Variants in MEGF10 observed in about 807,000 individuals in gnomAD.
MEGF10 encodes multiple epidermal growth factor-like domains protein 10.
In MEGF10, 86 loss-of-function variants were observed where a neutral mutation model predicts 147.5. The observed-to-expected ratio is 0.58, with a 90% confidence interval of 0.49 to 0.70. The LOEUF is 0.70. MEGF10 is among the 30% of genes least tolerant of loss of function. MEGF10 has a pLI of 0.00. For synonymous variants in MEGF10, 478 were observed against 525.5 expected, an observed-to-expected ratio of 0.91 and a Z score of 1.24; for missense variants, 1,329 against 1,487.3, an observed-to-expected ratio of 0.89 and a Z score of 1.75.
At chr5:127,417,097 G>A (rs758786148) in intron 9 of MEGF10, among the ~76,000 whole-genome samples, 4 of 152,188 alleles carry the variant, frequency 2.6e-5, no homozygotes, top group African/African-American at 4.8e-5. Context: ...ACTCACTTAC[G>A]CGTGCATCTC....
the MEGF10 span, chr5:127,229,420 C>G: frequency 1.3e-5 from 2 of 151,938 alleles, no homozygotes; most frequent in South Asian, 4.2e-4. Context: ...GCCTCGTCCT[C>G]GCGCCGGCGA....
chr5:127,302,332 G>GA (rs1386888151), intron 1 of MEGF10, among the ~76,000 whole-genome samples: 1 of 152,162 alleles, frequency 6.6e-6, no homozygotes, highest in African/African-American at 2.4e-5. Context: ...CAACATGGAT[G>GA]AACCTTAGCA....
In MEGF10 at chr5:127,386,924, C is replaced by A. The variant is rs113997522; in HGVS notation, c.413-9608C>A. The stretch of plus-strand genomic sequence containing the variant: ...GTACTTTTTGTGTAATTAGTGTGTT[C>A]CACCATCTTCATTTTACAACAAATA... On this transcript the variant is annotated intron_variant, in intron 5 of 24. Coordinates refer to ENST00000503335, the MANE Select transcript of MEGF10 (RefSeq NM_001256545.2). 3.0e-3 allele frequency among the ~76,000 whole-genome samples: 459 copies of A among 152,256 alleles called. 8 individuals carry two copies. Among genetic ancestry groups the A allele is most frequent in the Admixed American group, 2.9e-3 (45 of 15,290 alleles).
At chr5:127,435,315 G>A (rs767018834) in intron 15 of MEGF10, 46 bp from the exon 16 acceptor site, 16 of 1,608,146 alleles carry the variant, frequency 9.9e-6, no homozygotes, top group Middle Eastern at 1.7e-4. Flanking sequence ...AGGGTTCTGC[G>A]AGAGGGGTTT....
intron 1 of MEGF10, among the ~76,000 whole-genome samples, chr5:127,302,497 T>G (rs781538209): frequency 6.6e-6 from 1 of 152,192 alleles, no homozygotes; most frequent in Non-Finnish European, 1.5e-5. Flanking sequence ...AGTGACTGTT[T>G]GATGGGCATG....
At position 127,460,688 on chromosome 5, in the gene MEGF10, A is replaced by G. The variant is rs1296492005; in HGVS notation, c.*3370A>G. On this transcript the variant is annotated 3_prime_UTR_variant, in exon 25 of 25. Transcript: ENST00000503335. The stretch of plus-strand genomic sequence containing the variant: ...CACAATATCATTTATAATTGATGTC[A>G]ATATTAGTAGTCCACTTTATGCTTA... 1 of 152,218 alleles carries G rather than the reference A, an allele frequency of 6.6e-6. No individual in the cohort carries two copies. The highest frequency in any genetic ancestry group is 1.9e-4 in the East Asian group (1 of 5,204). The allele number at this position is 152,218 out of a possible 1,614,324, so 9.4% of individuals were successfully genotyped here.
intron 5 of MEGF10, among the ~76,000 whole-genome samples, chr5:127,383,949 T>C (rs1295465481): frequency 2.0e-5 from 3 of 152,242 alleles, no homozygotes; most frequent in Non-Finnish European, 4.4e-5. Context: ...AGGGAAGTCA[T>C]TGAAAGCCTT....
chr5:127,410,096 T>C (rs1764497738), intron 8 of MEGF10, among the ~76,000 whole-genome samples: 1 of 152,258 alleles, frequency 6.6e-6, no homozygotes, highest in Non-Finnish European at 1.5e-5. Flanking sequence ...TGGCAAGCAC[T>C]AAGTGTAAAC....
chr5:127,363,722 C>T lies in MEGF10; in HGVS notation c.320-6188C>T, dbSNP rs73344985. The stretch of plus-strand genomic sequence containing the variant: ...TCTTTGTACTTGCCCTTAAATGACA[C>T]GAAAGCCCTATAAGGAATGGAGAGA... On this transcript the variant is annotated intron_variant, in intron 4 of 24. Transcript: ENST00000503335. 1.1e-3 allele frequency among the ~76,000 whole-genome samples: 167 copies of T among 152,154 alleles called. 2 individuals are homozygous for T. The highest frequency in any genetic ancestry group is 3.8e-3 in the African/African-American group (156 of 41,510).
chr5:127,349,331 A>G (rs927024964), intron 4 of MEGF10, among the ~76,000 whole-genome samples: 2 of 152,098 alleles, frequency 1.3e-5, no homozygotes. Flanking sequence ...GAATTTCTTG[A>G]TATTTATTTT....
At chr5:127,261,151 T>C in the MEGF10 span, among the ~76,000 whole-genome samples, 1 of 152,202 alleles carries the variant, frequency 6.6e-6, no homozygotes, top group African/African-American at 2.4e-5. Flanking sequence ...ATGCCTTTAG[T>C]GTATTCACAG....
intron 4 of MEGF10, among the ~76,000 whole-genome samples, chr5:127,356,501 G>A (rs1172404811): frequency 6.6e-6 from 1 of 152,212 alleles, no homozygotes; most frequent in Non-Finnish European, 1.5e-5. Flanking sequence ...CTCAAGGTGG[G>A]CCTCCCTGAC....
At chr5:127,292,061 T>C (rs1235784133) in intron 1 of MEGF10, among the ~76,000 whole-genome samples, 1 of 152,224 alleles carries the variant, frequency 6.6e-6, no homozygotes, top group African/African-American at 2.4e-5. Flanking sequence ...CAAATAAAAA[T>C]GCTTCATTCC....
the MEGF10 span, among the ~76,000 whole-genome samples, chr5:127,231,423 T>A: frequency 6.6e-6 from 1 of 152,206 alleles, no homozygotes; most frequent in South Asian, 2.1e-4. Context: ...CACTCTTTCT[T>A]GGAATCTGGT....
At position 127,381,092 on chromosome 5, in the gene MEGF10, C is replaced by T. The variant is rs988832574; in HGVS notation, c.412+11090C>T. ...CCTTGTTTGAGTGGAGAATATTTAA[C>T]AATTTTGCTATCTAAACTTTCTCAT... is the stretch of plus-strand genomic sequence containing the variant. On this transcript the variant is annotated intron_variant, in intron 5 of 24. Coordinates refer to ENST00000503335, the MANE Select transcript of MEGF10 (RefSeq NM_001256545.2). Among the ~76,000 whole-genome samples, 32 of 152,306 alleles carry T rather than the reference C, an allele frequency of 2.1e-4. No individual in the cohort carries two copies. The Middle Eastern group carries it at 0.017, about 81-fold the overall frequency.
the MEGF10 span, among the ~76,000 whole-genome samples, chr5:127,250,676 A>G: frequency 1.3e-5 from 2 of 152,128 alleles, no homozygotes; most frequent in East Asian, 3.9e-4. Flanking sequence ...GCAAATATAT[A>G]CAGACCAAAA....
chr5:127,269,795 G>C, the MEGF10 span, among the ~76,000 whole-genome samples: 2 of 152,184 alleles, frequency 1.3e-5, no homozygotes, highest in Non-Finnish European at 2.9e-5. Context: ...ATTCACCAAA[G>C]TTGAAATGAG....
At chr5:127,363,995 C>A (rs935065863) in intron 4 of MEGF10, among the ~76,000 whole-genome samples, 5 of 152,018 alleles carry the variant, frequency 3.3e-5, no homozygotes, top group African/African-American at 1.2e-4. Context: ...CTCCCTGCAA[C>A]ATTATTTCAA....
At chr5:127,231,656 T>G in the MEGF10 span, among the ~76,000 whole-genome samples, 4 of 151,758 alleles carry the variant, frequency 2.6e-5, no homozygotes, top group Admixed American at 2.6e-4. Flanking sequence ...TTCCAAGGCT[T>G]AGACCAAGGC....
Sources: gnomAD v4.1 joint callset for allele counts (sites outside exome capture counted in the v4.1 genomes callset) on GRCh38, gnomAD v4.1.1 for gene constraint, MANE v1.5 for transcripts, NCBI Gene and HGNC (gene_info 2026-07-23, HGNC 2026-07-21) for gene names.